CRB1: variants seen among roughly 807,000 people sequenced by gnomAD.
The protein encoded by CRB1 is crumbs cell polarity complex component 1.
CRB1 carries 83 observed loss-of-function variants against 120.0 expected under a neutral mutation model. The ratio of observed to expected loss-of-function variants is 0.69; its 90% CI spans 0.58 to 0.83. CRB1 has a LOEUF of 0.83. Among genes scored for constraint, CRB1 ranks in the 40% least tolerant of loss-of-function variants. The pLI is 0.00. For synonymous variants in CRB1, 625 were observed against 612.5 expected (o/e 1.02, Z -0.30); for missense variants, 1,699 against 1,687.6 (o/e 1.01, Z -0.12).
chr1:197,320,461 A>G (rs1240581690), intron 1 of CRB1, among the ~76,000 whole-genome samples: 1 of 152,194 alleles, frequency 6.6e-6, no homozygotes, highest in Non-Finnish European at 1.5e-5. Flanking sequence ...TTAGTATCAT[A>G]AAAACTGACA....
chr1:197,309,524 G>A (rs1657384442), intron 1 of CRB1, among the ~76,000 whole-genome samples: 1 of 152,150 alleles, frequency 6.6e-6, no homozygotes, highest in Non-Finnish European at 1.5e-5. Flanking sequence ...GGAGGCCGAG[G>A]CGGGCGGATC....
intron 5 of CRB1, among the ~76,000 whole-genome samples, chr1:197,398,216 C>T (rs1468989560): frequency 1.3e-5 from 2 of 152,180 alleles, no homozygotes; most frequent in Non-Finnish European, 2.9e-5. Context: ...ATGCTGCTCT[C>T]TCCTAATCAT....
upstream of CRB1, among the ~76,000 whole-genome samples, chr1:197,264,161 A>G (rs1654579871): frequency 6.6e-6 from 1 of 152,044 alleles, no homozygotes; most frequent in Non-Finnish European, 1.5e-5. Flanking sequence ...ATCATCTATC[A>G]TTTCACACTC....
chr1:197,287,951 A>G (rs1418488981), intron 1 of CRB1, among the ~76,000 whole-genome samples: 1 of 151,856 alleles, frequency 6.6e-6, no homozygotes, highest in Non-Finnish European at 1.5e-5. Flanking sequence ...AATGAAGAGT[A>G]GTCATCCCTA....
intron 11 of CRB1, among the ~76,000 whole-genome samples, chr1:197,446,823 T>A (rs1173395943): frequency 6.6e-6 from 1 of 152,204 alleles, no homozygotes; most frequent in Admixed American, 6.5e-5. Context: ...ATATTTTTAA[T>A]ATCTTTGTTG....
chr1:197,378,794 T>C (rs932734492), intron 5 of CRB1, among the ~76,000 whole-genome samples: 4 of 152,358 alleles, frequency 2.6e-5, no homozygotes, highest in Admixed American at 6.5e-5. Context: ...GGTTATCATC[T>C]TTTGTTAACA....
intron 11 of CRB1, chr1:197,442,670 C>T (rs570793429): frequency 1.5e-6 from 1 of 647,658 alleles, no homozygotes; most frequent in South Asian, 2.6e-5. Flanking sequence ...GTATTTAGTA[C>T]AAACATATTA....
intron 1 of CRB1, among the ~76,000 whole-genome samples, chr1:197,313,531 A>T (rs886981959): frequency 6.6e-6 from 1 of 152,232 alleles, no homozygotes; most frequent in Non-Finnish European, 1.5e-5. Flanking sequence ...CTTATTTACT[A>T]TCAAGTACTA....
At chr1:197,450,857 G>T (rs1286821930) in intron 11 of CRB1, among the ~76,000 whole-genome samples, 4 of 148,350 alleles carry the variant, frequency 2.7e-5, no homozygotes, top group African/African-American at 9.9e-5. Context: ...CTACTTGGGA[G>T]GCTGAGGCAG....
Position 197,435,009 on chromosome 1 carries a change from C to G in CRB1, c.3146C>G (p.Ser1049Cys), listed in dbSNP as rs1571556609. ...LSMTDPLSQT[S>C]RWQMEVDNET... The stretch of plus-strand genomic sequence containing the variant: ...ATGACAGACCCACTGTCCCAGACCT[C>G]CAGGTGGCAAATGGAAGTGGACAAC... The change falls in exon 9 of 12, where the codon TCC (serine) becomes TGC (cysteine). Residue 1049 changes from serine (S) to cysteine (C), a missense_variant. Physicochemically the swap from Ser to Cys is moderately radical, Grantham distance 112 (BLOSUM62 -1). Transcript: ENST00000367400. The G allele has an allele frequency of 6.2e-7, 1 of 1,613,936 alleles. No individual in the cohort carries two copies. Among genetic ancestry groups the G allele is most frequent in the South Asian group, 1.1e-5 (1 of 91,080 alleles).
At chr1:197,405,097 C>G (rs536818110) in intron 5 of CRB1, among the ~76,000 whole-genome samples, 8 of 152,078 alleles carry the variant, frequency 5.3e-5, no homozygotes, top group Admixed American at 1.3e-4. Flanking sequence ...CCCTCTCCCT[C>G]TCTTTCCACG....
intron 11 of CRB1, among the ~76,000 whole-genome samples, chr1:197,476,571 A>G (rs1013294105): frequency 1.3e-5 from 2 of 152,188 alleles, no homozygotes. Context: ...TATTGTGAGT[A>G]GATCCCAGAC....
At chr1:197,273,733 T>C (rs1029735456) in intron 1 of CRB1, among the ~76,000 whole-genome samples, 2 of 152,130 alleles carry the variant, frequency 1.3e-5, no homozygotes, top group African/African-American at 4.8e-5. Context: ...TTCAGTTGGC[T>C]CCTATTTTCT....
rs1336210527 is a variant in CRB1 at position 197,478,329 on chromosome 1, G to A, written c.*450G>A. The A allele has an allele frequency of 2.5e-5, 6 of 235,610 alleles. No homozygotes were observed. Among genetic ancestry groups the A allele is most frequent in the Non-Finnish European group, 5.1e-5 (6 of 118,578 alleles). 14.6% of individuals were successfully genotyped at this position (235,610 alleles called of 1,614,324 possible). On this transcript the variant is annotated 3_prime_UTR_variant, in exon 12 of 12. Transcript: ENST00000367400. Reference sequence around the variant, plus strand: ...TCACTTCTCCTATCATGTGGTCAAAGTTATTGTTGTATACCAGCGATGGGA... The same window carrying A: ...TCACTTCTCCTATCATGTGGTCAAAATTATTGTTGTATACCAGCGATGGGA...
intron 2 of CRB1, among the ~76,000 whole-genome samples, chr1:197,336,538 T>G (rs1001674771): frequency 6.6e-6 from 1 of 152,192 alleles, no homozygotes; most frequent in Non-Finnish European, 1.5e-5. Context: ...TAAACACTTG[T>G]TCAGGCTTTT....
At chr1:197,277,261 T>C (rs1225429933) in intron 1 of CRB1, among the ~76,000 whole-genome samples, 1 of 152,020 alleles carries the variant, frequency 6.6e-6, no homozygotes, top group Non-Finnish European at 1.5e-5. Context: ...TTAACCGCAT[T>C]GTGTAGTCTT....
intron 11 of CRB1, among the ~76,000 whole-genome samples, chr1:197,461,417 T>C (rs1457272501): frequency 6.6e-6 from 1 of 152,060 alleles, no homozygotes; most frequent in Non-Finnish European, 1.5e-5. Context: ...AAAGAGGCAC[T>C]CTGGGATGGA....
At position 197,421,025 on chromosome 1, in the gene CRB1, T is replaced by C; in HGVS notation, c.1197T>C (p.Asn399=). The C allele has an allele frequency of 1.9e-6, 3 of 1,610,878 alleles. No individual in the cohort carries two copies. The highest frequency in any genetic ancestry group is 2.5e-6 in the Non-Finnish European group (3 of 1,177,006). Residue 399 remains asparagine, a synonymous_variant, in exon 6 of 12, where the codon AAT becomes AAC. Coordinates refer to ENST00000367400, the MANE Select transcript of CRB1 (RefSeq NM_201253.3). ...GAATCCACTGCGAAGAAGACGTCAA[T>C]GAATGTTCTTCAAACCCTTGCCAAA... The part of the protein sequence containing the change: ...FTGIHCEEDV[N]ECSSNPCQNG...
chr1:197,459,487 G>A (rs555972086), intron 11 of CRB1, among the ~76,000 whole-genome samples: 2 of 152,178 alleles, frequency 1.3e-5, no homozygotes, highest in South Asian at 2.1e-4. Context: ...TTCCTGGTTC[G>A]TAAATGGTCT....
Sources: gnomAD v4.1 joint callset for allele counts (sites outside exome capture counted in the v4.1 genomes callset) on GRCh38, gnomAD v4.1.1 for gene constraint, MANE v1.5 for transcripts, NCBI Gene and HGNC (gene_info 2026-07-23, HGNC 2026-07-21) for gene names.